The following SLC37A3 variants were observed in gnomAD, a reference collection of about 807,000 sequenced individuals.
SLC37A3 encodes sugar phosphate exchanger 3.
Under a neutral mutation model 67.1 loss-of-function variants are expected in SLC37A3, and 51 were observed. The ratio of observed to expected loss-of-function variants is 0.76; its 90% CI spans 0.61 to 0.96. SLC37A3 has a LOEUF of 0.96. SLC37A3 is among the 40% of genes least tolerant of loss of function. SLC37A3 has a pLI of 0.00. For synonymous variants in SLC37A3, 214 were observed against 231.4 expected (o/e 0.92, Z 0.68); for missense variants, 508 against 603.0 (o/e 0.84, Z 1.65).
At chr7:140,372,212 A>G (rs1797848916) in intron 3 of SLC37A3, among the ~76,000 whole-genome samples, 1 of 152,182 alleles carries the variant, frequency 6.6e-6, no homozygotes, top group Admixed American at 6.5e-5. Context: ...TTCCCCCGCA[A>G]TAGACATCCC....
At chr7:140,397,375 G>C (rs1051951005) in intron 1 of SLC37A3, among the ~76,000 whole-genome samples, 4 of 151,712 alleles carry the variant, frequency 2.6e-5, no homozygotes, top group African/African-American at 9.7e-5. Context: ...TGTATTTTTA[G>C]TAGAGACGGG....
At chr7:140,393,860 C>T (rs1028186256) in intron 1 of SLC37A3, among the ~76,000 whole-genome samples, 3 of 152,160 alleles carry the variant, frequency 2.0e-5, no homozygotes, top group African/African-American at 4.8e-5. Flanking sequence ...CCCAGCAGAG[C>T]ACTGAGAACG....
intron 1 of SLC37A3, among the ~76,000 whole-genome samples, chr7:140,394,544 C>T (rs1231609948): frequency 6.6e-6 from 1 of 150,748 alleles, no homozygotes; most frequent in Non-Finnish European, 1.5e-5. Flanking sequence ...ATCACTTGAG[C>T]CTGGGAGGCT....
chr7:140,388,420 G>A (rs1798593699), intron 1 of SLC37A3, among the ~76,000 whole-genome samples: 2 of 150,104 alleles, frequency 1.3e-5, no homozygotes, highest in Non-Finnish European at 3.0e-5. Context: ...ACGACAGAGT[G>A]AGACCCTGTA....
chr7:140,337,409 C>A, intron 13 of SLC37A3, 60 bp from the exon 14 acceptor site: 1 of 1,368,528 alleles, frequency 7.3e-7, no homozygotes, highest in Non-Finnish European at 9.9e-7. Flanking sequence ...AAGGAAGCAG[C>A]TAAAAAGTAG....
At chr7:140,384,788 T>G (rs1798388769) in intron 1 of SLC37A3, among the ~76,000 whole-genome samples, 1 of 152,146 alleles carries the variant, frequency 6.6e-6, no homozygotes, top group South Asian at 2.1e-4. Context: ...ACAAAATGGC[T>G]TGTATGATAA....
chr7:140,335,136 C>A lies in SLC37A3; in HGVS notation c.*276G>T. ...AACCTCAATAGGCCAAACAAAGACG[C>A]GGGCAGAGTCAGAGGTCAAAGATGC... is the stretch of plus-strand genomic sequence containing the variant. On this transcript the variant is annotated 3_prime_UTR_variant, in exon 15 of 15. Coordinates refer to ENST00000326232, the MANE Select transcript of SLC37A3 (RefSeq NM_207113.3). The A allele has an allele frequency of 1.6e-6, 2 of 1,267,946 alleles. No homozygotes were observed. The highest frequency in any genetic ancestry group is 1.1e-6 in the Non-Finnish European group (1 of 923,102). The allele number at this position is 1,267,946 out of a possible 1,614,324, so 78.5% of individuals were successfully genotyped here.
intron 8 of SLC37A3, 48 bp downstream of exon 8, chr7:140,352,014 G>A (rs200362968): frequency 1.0e-4 from 160 of 1,543,706 alleles, no homozygotes; most frequent in Admixed American, 4.5e-4. Flanking sequence ...ATTTCCTTTC[G>A]GCCATAATAG....
chr7:140,351,663 T>G (rs1015267436), intron 8 of SLC37A3: 1 of 581,666 alleles, frequency 1.7e-6, no homozygotes, highest in Non-Finnish European at 3.0e-6. Context: ...ATCTGTTTGC[T>G]TCTGTGGTTT....
Position 140,335,045 on chromosome 7 carries a change from T to C in SLC37A3, c.*367A>G. ...ACAAACCACGCGTGGCTTTGCCTCC[T>C]GTTCACTCCATTTTCAAGGCTAGAG... is the stretch of plus-strand genomic sequence containing the variant. On this transcript the variant is annotated 3_prime_UTR_variant, in exon 15 of 15. Transcript: ENST00000326232. 4.9e-6 allele frequency: 3 copies of C among 610,286 alleles called. No homozygotes were observed. The highest frequency in any genetic ancestry group is 3.0e-5 in the East Asian group (1 of 33,352). The allele number at this position is 610,286 out of a possible 1,614,324, so 37.8% of individuals were successfully genotyped here. A position where few individuals can be genotyped will look rare whatever the true frequency, so the allele number is the denominator to read the frequency against.
chr7:140,343,856 T>C (rs758121525), intron 12 of SLC37A3: 2 of 319,872 alleles, frequency 6.3e-6, no homozygotes, highest in Non-Finnish European at 1.2e-5. Flanking sequence ...TAATAACTAA[T>C]TGCACTAGCT....
At chr7:140,354,967 A>C (rs1384637802) in intron 7 of SLC37A3, among the ~76,000 whole-genome samples, 1 of 150,358 alleles carries the variant, frequency 6.7e-6, no homozygotes, top group Non-Finnish European at 1.5e-5. Context: ...CTGATCTTGA[A>C]CTCCTGGGCT....
chr7:140,351,132 G>A (rs571541719), intron 9 of SLC37A3, 141 bp downstream of exon 9: 4 of 780,126 alleles, frequency 5.1e-6, no homozygotes, highest in South Asian at 2.2e-5. Context: ...AGGGGCACTA[G>A]ACAACATTCC....
chr7:140,365,530 G>A (rs1157798892), intron 4 of SLC37A3, among the ~76,000 whole-genome samples: 1 of 152,182 alleles, frequency 6.6e-6, no homozygotes, highest in East Asian at 1.9e-4. Flanking sequence ...AGACCAGCCT[G>A]ACCAACATGG....
intron 2 of SLC37A3, among the ~76,000 whole-genome samples, chr7:140,382,233 A>G (rs908869074): frequency 2.0e-5 from 3 of 151,956 alleles, no homozygotes; most frequent in Non-Finnish European, 4.4e-5. Context: ...ATGACCACCA[A>G]AACTATCTTA....
intron 10 of SLC37A3, among the ~76,000 whole-genome samples, chr7:140,346,843 G>A (rs909095363): frequency 2.7e-5 from 4 of 150,864 alleles, no homozygotes; most frequent in Non-Finnish European, 4.4e-5. Context: ...GTGGTGAACC[G>A]TATCGTGCTG....
chr7:140,389,883 G>C (rs1262289774), intron 1 of SLC37A3, among the ~76,000 whole-genome samples: 1 of 152,068 alleles, frequency 6.6e-6, no homozygotes, highest in Non-Finnish European at 1.5e-5. Flanking sequence ...ATCATTTGAG[G>C]CCAGTAGTTC....
At chr7:140,394,746 C>T (rs56139359) in intron 1 of SLC37A3, among the ~76,000 whole-genome samples, 1 of 151,496 alleles carries the variant, frequency 6.6e-6, no homozygotes, top group African/African-American at 2.4e-5. Context: ...GTAGCTGGGA[C>T]TACAGGCATG....
intron 4 of SLC37A3, among the ~76,000 whole-genome samples, chr7:140,367,141 TA>T (rs1265649477): frequency 4.2e-4 from 48 of 113,540 alleles, no homozygotes; most frequent in African/African-American, 5.4e-4. Flanking sequence ...CCATCTCAAA[TA>T]AAAAAAAAAA....
Sources: gnomAD v4.1 joint callset for allele counts (sites outside exome capture counted in the v4.1 genomes callset) on GRCh38, gnomAD v4.1.1 for gene constraint, MANE v1.5 for transcripts, NCBI Gene and HGNC (gene_info 2026-07-23, HGNC 2026-07-21) for gene names.